The following TUSC3 variants were observed in gnomAD, a reference collection of about 807,000 sequenced individuals.
The protein encoded by TUSC3 is dolichyl-diphosphooligosaccharide--protein glycosyltransferase subunit TUSC3.
In TUSC3, 45 loss-of-function variants were observed where a neutral mutation model predicts 44.8. The ratio of observed to expected loss-of-function variants is 1.00; its 90% confidence interval spans 0.79 to 1.29. The LOEUF is 1.29. Ranked by LOEUF, TUSC3 falls within the 50% of genes most tolerant of loss-of-function variation. The pLI, the probability that TUSC3 is intolerant of heterozygous loss-of-function variation, is 0.00. For missense variants in TUSC3, 519 were observed against 437.9 expected (o/e 1.19, Z -1.65); for synonymous variants, 212 against 152.9 (o/e 1.39, Z -2.85).
At chr8:15,448,099 G>A (rs1585793694) in intron 1 of TUSC3, among the ~76,000 whole-genome samples, 1 of 7,728 alleles carries the variant, frequency 1.3e-4, no homozygotes, top group Non-Finnish European at 4.8e-4. Flanking sequence ...CTGTATGGTA[G>A]TGTATATACA....
At chr8:15,825,060 C>A in the TUSC3 span, among the ~76,000 whole-genome samples, 2 of 152,254 alleles carry the variant, frequency 1.3e-5, no homozygotes, top group Admixed American at 1.3e-4. Flanking sequence ...CAGCTTTGAA[C>A]CATCTCCTAT....
At chr8:15,505,558 T>G (rs969366089) in intron 2 of TUSC3, among the ~76,000 whole-genome samples, 2 of 152,208 alleles carry the variant, frequency 1.3e-5, no homozygotes, top group Non-Finnish European at 2.9e-5. Flanking sequence ...TTCCATAGTT[T>G]CCTTTACTAC....
intron 1 of TUSC3, among the ~76,000 whole-genome samples, chr8:15,469,629 A>C (rs1463638818): frequency 6.6e-6 from 1 of 152,204 alleles, no homozygotes; most frequent in Non-Finnish European, 1.5e-5. Context: ...ATGTGATTCA[A>C]CAGTTATGCT....
At chr8:15,759,912 C>A (rs943865318) in intron 10 of TUSC3, among the ~76,000 whole-genome samples, 8 of 152,136 alleles carry the variant, frequency 5.3e-5, no homozygotes, top group African/African-American at 1.9e-4. Context: ...AGATGGAAAT[C>A]TTGAAGTCAT....
chr8:15,454,232 C>T (rs1452976011), intron 1 of TUSC3, among the ~76,000 whole-genome samples: 1 of 152,114 alleles, frequency 6.6e-6, no homozygotes, highest in African/African-American at 2.4e-5. Flanking sequence ...TCAAGTCACC[C>T]CCTTGGCCCT....
At chr8:15,659,422 C>T (rs1420295733) in intron 3 of TUSC3, 85 bp from the exon 4 acceptor site, 2 of 1,516,650 alleles carry the variant, frequency 1.3e-6, no homozygotes. Flanking sequence ...TGCTGTTTTC[C>T]CCGAATTTCT....
At chr8:15,640,024 C>T (rs773349617) in intron 2 of TUSC3, among the ~76,000 whole-genome samples, 2 of 152,148 alleles carry the variant, frequency 1.3e-5, no homozygotes, top group African/African-American at 2.4e-5. Flanking sequence ...AAGTGTGGCC[C>T]TTGCTTGCCA....
chr8:15,732,076 C>A (rs932129512), intron 7 of TUSC3, among the ~76,000 whole-genome samples: 1 of 152,172 alleles, frequency 6.6e-6, no homozygotes, highest in Non-Finnish European at 1.5e-5. Context: ...CATTAAGCAT[C>A]CAATAATCAC....
Position 15,587,393 on chromosome 8 carries a change from A to C in TUSC3, c.139-35687A>C, listed in dbSNP as rs115066544. Among the ~76,000 whole-genome samples, 758 of 152,296 alleles carry C rather than the reference A, an allele frequency of 5.0e-3. 8 individuals are homozygous for C. Among genetic ancestry groups the C allele is most frequent in the African/African-American group, 0.018 (732 of 41,558 alleles). On this transcript the variant is annotated intron_variant, in intron 1 of 10. Coordinates refer to ENST00000503731, the MANE Select transcript of TUSC3 (RefSeq NM_006765.4). Reference sequence around the variant, plus strand: ...CTGCTTCTGTCTTTTACATTAAAAAAGCATCCACTGTCTTTTCACTCCATT... The same window carrying C: ...CTGCTTCTGTCTTTTACATTAAAAACGCATCCACTGTCTTTTCACTCCATT...
the TUSC3 span, among the ~76,000 whole-genome samples, chr8:15,776,226 G>A: frequency 6.6e-6 from 1 of 152,040 alleles, no homozygotes; most frequent in African/African-American, 2.4e-5. Flanking sequence ...AATACGTGGG[G>A]CCTCAGTTTT....
chr8:15,667,978 G>C (rs1028968211), intron 5 of TUSC3, among the ~76,000 whole-genome samples: 2 of 151,654 alleles, frequency 1.3e-5, no homozygotes, highest in Non-Finnish European at 1.5e-5. Flanking sequence ...GGTGTTCTCA[G>C]CTCACCACAG....
intron 1 of TUSC3, among the ~76,000 whole-genome samples, chr8:15,449,279 T>G (rs1331228526): frequency 6.6e-6 from 1 of 152,170 alleles, no homozygotes; most frequent in East Asian, 1.9e-4. Flanking sequence ...TGGGCACATG[T>G]GCAATTAAGC....
intron 1 of TUSC3, among the ~76,000 whole-genome samples, chr8:15,615,951 C>G (rs2129161089): frequency 6.6e-6 from 1 of 152,222 alleles, no homozygotes; most frequent in African/African-American, 2.4e-5. Context: ...CTGGACTCAG[C>G]CTCTTGAGTA....
At chr8:15,468,832 T>C (rs1289119733) in intron 1 of TUSC3, among the ~76,000 whole-genome samples, 2 of 152,078 alleles carry the variant, frequency 1.3e-5, no homozygotes, top group Non-Finnish European at 2.9e-5. Flanking sequence ...TTACCAAATA[T>C]CTTTCTGTTT....
chr8:15,645,760 C>T (rs1013852147), intron 2 of TUSC3, among the ~76,000 whole-genome samples: 1 of 152,034 alleles, frequency 6.6e-6, no homozygotes, highest in Non-Finnish European at 1.5e-5. Flanking sequence ...ATTCCTTTGA[C>T]AAACAGCATA....
At chr8:15,789,754 G>C in the TUSC3 span, among the ~76,000 whole-genome samples, 9 of 152,118 alleles carry the variant, frequency 5.9e-5, no homozygotes, top group Non-Finnish European at 8.8e-5. Context: ...GCTGCAATAA[G>C]AAACAGGACA....
the TUSC3 span, among the ~76,000 whole-genome samples, chr8:15,831,136 G>A: frequency 7.2e-5 from 11 of 152,256 alleles, no homozygotes; most frequent in East Asian, 3.9e-4. Flanking sequence ...AAGATGGAGC[G>A]CAAAACAAGT....
chr8:15,704,520 G>A (rs982622257), intron 6 of TUSC3, among the ~76,000 whole-genome samples: 8 of 152,090 alleles, frequency 5.3e-5, no homozygotes, highest in Admixed American at 3.3e-4. Context: ...TTATTTTTGA[G>A]AAAGATAGCT....
At chr8:15,679,963 T>C (rs536978700) in intron 6 of TUSC3, among the ~76,000 whole-genome samples, 1 of 152,216 alleles carries the variant, frequency 6.6e-6, no homozygotes, top group Non-Finnish European at 1.5e-5. Flanking sequence ...TTTGTACCAA[T>C]ACCATGCTGT....
Sources: gnomAD v4.1 joint callset for allele counts (sites outside exome capture counted in the v4.1 genomes callset) on GRCh38, gnomAD v4.1.1 for gene constraint, MANE v1.5 for transcripts, NCBI Gene and HGNC (gene_info 2026-07-23, HGNC 2026-07-21) for gene names.